FRMPD4: variants seen among roughly 807,000 people sequenced by gnomAD.
The protein encoded by FRMPD4 is FERM and PDZ domain containing 4, also known as FERM and PDZ domain-containing protein 4.
FRMPD4 carries 22 observed loss-of-function variants against 94.1 expected under a neutral mutation model. The observed-to-expected ratio is 0.23, with a 90% CI of 0.17 to 0.33. The LOEUF is 0.33. Ranked by LOEUF, FRMPD4 falls within the 10% of genes least tolerant of loss-of-function variation. The probability of loss-of-function intolerance (pLI) is 1.00; values close to 1 mark genes in which losing one functional copy is unlikely to be tolerated. For missense variants in FRMPD4, 1,111 were observed against 1,339.9 expected, an observed-to-expected ratio of 0.83 and a Z score of 2.67; for synonymous variants, 631 against 548.6, an observed-to-expected ratio of 1.15 and a Z score of -2.10.
At chrX:12,377,249 T>C (rs1300701901) in intron 1 of FRMPD4, among the ~76,000 whole-genome samples, 2 of 112,212 alleles carry the variant, frequency 1.8e-5, no homozygotes, top group Non-Finnish European at 3.8e-5. Flanking sequence ...AACAGTGTTG[T>C]CTTTGCAACT....
chrX:11,877,574 T>C (rs2053792039), intron 2 of FRMPD4, among the ~76,000 whole-genome samples: 1 of 112,177 alleles, frequency 8.9e-6, no homozygotes, highest in South Asian at 3.8e-4. Flanking sequence ...GACTTGTCCA[T>C]TTTTATGTTC....
intron 1 of FRMPD4, among the ~76,000 whole-genome samples, chrX:12,190,204 A>G (rs2407768): frequency 0.14 from 15,235 of 111,038 alleles, 777 homozygotes; most frequent in South Asian, 0.32. Context: ...CATGAAAGAA[A>G]TTAAAGAATG....
chrX:12,634,824 C>CTTTTTTT (rs780126204), intron 4 of FRMPD4, among the ~76,000 whole-genome samples: 5 of 52,216 alleles, frequency 9.6e-5, no homozygotes, highest in African/African-American at 3.5e-4. Flanking sequence ...GTCCATCTCT[C>CTTTTTTT]TTTTTTTTTT....
At chrX:11,957,201 A>G (rs2054261543) in intron 3 of FRMPD4, among the ~76,000 whole-genome samples, 2 of 111,945 alleles carry the variant, frequency 1.8e-5, no homozygotes, top group South Asian at 3.7e-4. Flanking sequence ...ATGAACACGT[A>G]AAATATTTTA....
intron 1 of FRMPD4, among the ~76,000 whole-genome samples, chrX:12,479,587 G>A (rs1483338767): frequency 2.8e-5 from 3 of 106,467 alleles, no homozygotes; most frequent in African/African-American, 1.0e-4. Flanking sequence ...CTGCAGCCTT[G>A]ACCTCCTAAG....
At chrX:12,411,875 A>G (rs1471037123) in intron 1 of FRMPD4, among the ~76,000 whole-genome samples, 2 of 111,786 alleles carry the variant, frequency 1.8e-5, no homozygotes, top group African/African-American at 6.5e-5. Flanking sequence ...CCAAGGGTCT[A>G]CAACTCACTG....
intron 1 of FRMPD4, among the ~76,000 whole-genome samples, chrX:12,479,927 G>A (rs1397877001): frequency 1.8e-5 from 2 of 110,222 alleles, no homozygotes. Flanking sequence ...CTGCAGAGTA[G>A]CCTAATCTCC....
chrX:11,957,811 C>T lies in FRMPD4; in HGVS notation c.95+79793C>T, dbSNP rs149498291. ...GTGCTGTACACAATGCATAGTTTTC[C>T]CTTTGGAGATAGTAATCTTTTTCCC... On this transcript the variant is annotated intron_variant, in intron 3 of 18. Coordinates refer to the FRMPD4 transcript ENST00000640291. Among the ~76,000 whole-genome samples the T allele has an allele frequency of 8.3e-3, 934 of 112,086 alleles. 7 individuals carry two copies. Among genetic ancestry groups the T allele is most frequent in the African/African-American group, 0.029 (906 of 30,928 alleles).
intron 1 of FRMPD4, among the ~76,000 whole-genome samples, chrX:12,478,516 G>A (rs768868147): frequency 7.1e-5 from 8 of 112,097 alleles, no homozygotes; most frequent in East Asian, 5.6e-4. Flanking sequence ...CCTGGAGGTC[G>A]AGGCTGCAGT....
intron 1 of FRMPD4, among the ~76,000 whole-genome samples, chrX:12,454,894 A>G (rs1360506841): frequency 9.4e-6 from 1 of 106,906 alleles, no homozygotes; most frequent in Non-Finnish European, 1.9e-5. Context: ...TCAGTGAGGT[A>G]TCACTAAGCC....
intron 1 of FRMPD4, among the ~76,000 whole-genome samples, chrX:12,219,667 A>G (rs977446287): frequency 8.9e-6 from 1 of 112,049 alleles, no homozygotes; most frequent in Non-Finnish European, 1.9e-5. Context: ...CTTCCATACA[A>G]TGTTTTATGT....
chrX:12,696,586 CAAA>C (rs57877846), intron 9 of FRMPD4, among the ~76,000 whole-genome samples: 1,676 of 30,054 alleles, frequency 0.056, 63 homozygotes, highest in African/African-American at 0.17. Flanking sequence ...AAAAATGAAG[CAAA>C]AAAAAAAAAA....
chrX:11,909,755 G>T (rs2053986634), intron 3 of FRMPD4, among the ~76,000 whole-genome samples: 1 of 110,480 alleles, frequency 9.1e-6, no homozygotes, highest in Admixed American at 9.7e-5. Context: ...CATTAAAAGT[G>T]TTCTAATATC....
At chrX:11,829,300 T>G (rs918471442) in intron 1 of FRMPD4, among the ~76,000 whole-genome samples, 2 of 112,262 alleles carry the variant, frequency 1.8e-5, no homozygotes, top group Non-Finnish European at 3.8e-5. Context: ...TATAATATAC[T>G]GGCAGAGATA....
intron 1 of FRMPD4, among the ~76,000 whole-genome samples, chrX:12,415,064 T>C (rs1223337375): frequency 9.0e-6 from 1 of 111,260 alleles, no homozygotes; most frequent in Non-Finnish European, 1.9e-5. Context: ...TGGTGAGCAC[T>C]ACCAAGATAA....
chrX:12,369,679 G>A (rs1437672730), intron 1 of FRMPD4, among the ~76,000 whole-genome samples: 1 of 112,005 alleles, frequency 8.9e-6, no homozygotes, highest in Non-Finnish European at 1.9e-5. Flanking sequence ...TAGTTGGAGA[G>A]AAAATGGCAG....
intron 1 of FRMPD4, among the ~76,000 whole-genome samples, chrX:12,411,359 T>G (rs752868861): frequency 2.7e-5 from 3 of 112,576 alleles, no homozygotes; most frequent in Non-Finnish European, 3.8e-5. Flanking sequence ...TTTGCTGATA[T>G]GCAATTCACA....
intron 2 of FRMPD4, among the ~76,000 whole-genome samples, chrX:11,866,365 T>C (rs1223181810): frequency 1.8e-5 from 2 of 111,501 alleles, no homozygotes; most frequent in African/African-American, 6.5e-5. Context: ...TCCAGGCTAA[T>C]AGCTCAGGTA....
At chrX:12,020,392 G>A (rs900470641) in intron 3 of FRMPD4, among the ~76,000 whole-genome samples, 21 of 112,035 alleles carry the variant, frequency 1.9e-4, no homozygotes, top group African/African-American at 6.8e-4. Context: ...TGGTTAGGTG[G>A]CTCTTCTCCC....
Sources: allele counts gnomAD v4.1 joint callset (sites outside exome capture counted in the v4.1 genomes callset), GRCh38; gene constraint gnomAD v4.1.1; transcripts MANE v1.5; gene names NCBI Gene and HGNC (gene_info 2026-07-23, HGNC 2026-07-21).